Variants in GPM6A observed in about 807,000 individuals in gnomAD.
GPM6A encodes neuronal membrane glycoprotein M6-a.
In GPM6A, 7 loss-of-function variants were observed where a neutral mutation model predicts 32.1. The observed-to-expected ratio is 0.22, with a 90% CI of 0.12 to 0.41. GPM6A has a LOEUF of 0.41. Among genes scored for constraint, GPM6A ranks in the 10% least tolerant of loss-of-function variants. The probability of loss-of-function intolerance (pLI) is 1.00; values close to 1 mark genes in which losing one functional copy is unlikely to be tolerated. For synonymous variants in GPM6A, 130 were observed against 123.4 expected, an observed-to-expected ratio of 1.05 and a Z score of -0.35; for missense variants, 235 against 347.2, an observed-to-expected ratio of 0.68 and a Z score of 2.57.
chr4:175,686,657 C>T (rs560252078), intron 2 of GPM6A, among the ~76,000 whole-genome samples: 17 of 152,328 alleles, frequency 1.1e-4, no homozygotes, highest in South Asian at 8.3e-4. Flanking sequence ...CCCTTGCTGA[C>T]GCCTTGACTT....
intron 1 of GPM6A, among the ~76,000 whole-genome samples, chr4:175,978,795 T>C (rs1740737994): frequency 2.0e-5 from 3 of 152,030 alleles, no homozygotes; most frequent in Non-Finnish European, 4.4e-5. Flanking sequence ...GTAAGCCAAA[T>C]AGCCCTAGTT....
intron 1 of GPM6A, among the ~76,000 whole-genome samples, chr4:175,843,049 G>A (rs1414249928): frequency 6.6e-6 from 1 of 151,424 alleles, no homozygotes; most frequent in Non-Finnish European, 1.5e-5. Flanking sequence ...ATATATGTAT[G>A]TAGGTAGTTA....
intron 2 of GPM6A, among the ~76,000 whole-genome samples, chr4:175,694,847 C>T (rs753966992): frequency 1.3e-4 from 20 of 151,996 alleles, no homozygotes; most frequent in Non-Finnish European, 2.1e-4. Flanking sequence ...GCAGCCCCTC[C>T]CATCACAGGC....
chr4:175,897,883 T>C (rs1338607731), intron 1 of GPM6A, among the ~76,000 whole-genome samples: 1 of 152,164 alleles, frequency 6.6e-6, no homozygotes, highest in East Asian at 1.9e-4. Context: ...AAAAATTGAC[T>C]TTACTTAAAT....
chr4:175,634,634 C>A lies in GPM6A; in HGVS notation c.*271G>T. On this transcript the variant is annotated 3_prime_UTR_variant, in exon 7 of 7. Transcript: ENST00000393658. ...TCTTTGCATTTGACAATGTTAGTAT[C>A]TTTGATTTTACAGAACTAGTAAATG... 1 of 335,696 alleles carries A rather than the reference C, an allele frequency of 3.0e-6. No individual in the cohort carries two copies. The allele number at this position is 335,696 out of a possible 1,614,324, so 20.8% of individuals were successfully genotyped here.
chr4:175,961,838 C>G (rs1338043565), intron 1 of GPM6A, among the ~76,000 whole-genome samples: 1 of 152,186 alleles, frequency 6.6e-6, no homozygotes, highest in Non-Finnish European at 1.5e-5. Flanking sequence ...TCAGCCCACT[C>G]TAGCCTTCCT....
At chr4:175,940,679 G>T (rs905993968) in intron 1 of GPM6A, among the ~76,000 whole-genome samples, 9 of 151,862 alleles carry the variant, frequency 5.9e-5, no homozygotes, top group African/African-American at 2.2e-4. Context: ...TGCGATCTCG[G>T]CTCACTGCAA....
At chr4:175,862,520 T>C (rs1736604818) in intron 1 of GPM6A, among the ~76,000 whole-genome samples, 2 of 152,358 alleles carry the variant, frequency 1.3e-5, no homozygotes, top group Middle Eastern at 3.4e-3. Context: ...AACAATTTAT[T>C]AATCCAATCT....
intron 2 of GPM6A, among the ~76,000 whole-genome samples, chr4:175,692,927 T>C (rs181601477): frequency 2.8e-4 from 43 of 152,106 alleles, no homozygotes; most frequent in Admixed American, 8.5e-4. Flanking sequence ...TGCTCCATTT[T>C]ATATATTTTT....
chr4:175,703,515 G>T (rs1009235959), intron 1 of GPM6A, among the ~76,000 whole-genome samples: 3 of 152,162 alleles, frequency 2.0e-5, no homozygotes, highest in African/African-American at 7.2e-5. Context: ...GCTGTCATGT[G>T]GTTGTCAAAA....
intron 1 of GPM6A, among the ~76,000 whole-genome samples, chr4:175,719,814 A>G (rs1746022615): frequency 1.3e-5 from 2 of 152,172 alleles, no homozygotes; most frequent in Non-Finnish European, 2.9e-5. Context: ...GTATTTTTTA[A>G]ATCAAAAGAA....
chr4:175,734,583 T>A (rs1031565262), intron 1 of GPM6A, among the ~76,000 whole-genome samples: 1 of 152,062 alleles, frequency 6.6e-6, no homozygotes, highest in African/African-American at 2.4e-5. Flanking sequence ...AAAAAAATGC[T>A]ATATAATAGG....
intron 1 of GPM6A, among the ~76,000 whole-genome samples, chr4:175,866,691 A>C (rs1005437611): frequency 6.6e-6 from 1 of 152,184 alleles, no homozygotes; most frequent in African/African-American, 2.4e-5. Flanking sequence ...GGTTGCTTTC[A>C]AATTTTGGAA....
intron 1 of GPM6A, among the ~76,000 whole-genome samples, chr4:175,911,244 T>G (rs1415023771): frequency 2.0e-5 from 3 of 152,098 alleles, no homozygotes; most frequent in Non-Finnish European, 4.4e-5. Flanking sequence ...TTACCAGTTT[T>G]GGGGGCAGAT....
At chr4:175,783,974 G>C (rs1442405122) in intron 1 of GPM6A, among the ~76,000 whole-genome samples, 1 of 151,964 alleles carries the variant, frequency 6.6e-6, no homozygotes, top group Non-Finnish European at 1.5e-5. Flanking sequence ...CTCTTTAAAA[G>C]TATAGTATAG....
chr4:175,673,965 G>T, intron 2 of GPM6A, 129 bp from the exon 3 acceptor site: 2 of 613,218 alleles, frequency 3.3e-6, no homozygotes, highest in Non-Finnish European at 5.3e-6. Flanking sequence ...ATGAAGGTTG[G>T]ATTTAAAAAC....
intron 1 of GPM6A, among the ~76,000 whole-genome samples, chr4:175,709,004 T>C (rs1354597993): frequency 6.6e-6 from 1 of 152,342 alleles, no homozygotes; most frequent in Non-Finnish European, 1.5e-5. Flanking sequence ...TCTAATACGC[T>C]GATGTTTATA....
chr4:175,990,271 A>G (rs760177181), intron 1 of GPM6A, among the ~76,000 whole-genome samples: 12 of 152,172 alleles, frequency 7.9e-5, no homozygotes, highest in Non-Finnish European at 1.3e-4. Context: ...CACTCCCTGT[A>G]GGAAATGCTG....
At chr4:175,861,476 G>C (rs1736571014) in intron 1 of GPM6A, among the ~76,000 whole-genome samples, 1 of 150,728 alleles carries the variant, frequency 6.6e-6, no homozygotes, top group Admixed American at 6.6e-5. Flanking sequence ...TACTGGCCAG[G>C]CACAGTGGTT....
Sources: gnomAD v4.1 joint callset for allele counts (sites outside exome capture counted in the v4.1 genomes callset) on GRCh38, gnomAD v4.1.1 for gene constraint, MANE v1.5 for transcripts, NCBI Gene and HGNC (gene_info 2026-07-23, HGNC 2026-07-21) for gene names.